Variants in VAMP4 observed in about 807,000 individuals in gnomAD.
VAMP4 encodes the protein vesicle associated membrane protein 4, also known as vesicle-associated membrane protein 4.
In VAMP4, 19 loss-of-function variants were observed where a neutral mutation model predicts 23.5. That is an observed-to-expected ratio of 0.81 (90% CI 0.56 to 1.19). The LOEUF is 1.19. Ranked by LOEUF, VAMP4 falls within the 50% of genes most tolerant of loss-of-function variation. The pLI, the probability that VAMP4 is intolerant of heterozygous loss-of-function variation, is 0.00. For missense variants in VAMP4, 145 were observed against 168.6 expected (o/e 0.86, Z 0.78); for synonymous variants, 31 against 51.0 (o/e 0.61, Z 1.67).
At position 171,704,514 on chromosome 1, in the gene VAMP4, G is replaced by A. The variant is rs1383124387; in HGVS notation, c.418C>T (p.Arg140Cys). 45 of 1,581,218 alleles carry A rather than the reference G, an allele frequency of 2.8e-5. No homozygotes were observed. The highest frequency in any genetic ancestry group is 3.8e-5 in the Non-Finnish European group (44 of 1,162,874). ...VIIILIVMKYRT is the reference protein window; with the variant it reads ...VIIILIVMKYCT ...AGATCTCTGTCATCAAATCAAGTAC[G>A]GTATTTCATGACTATAAGAACTGTA... The change falls in exon 8 of 8, where the codon CGT (arginine) becomes TGT (cysteine). Residue 140 changes from arginine to cysteine, a missense_variant. Coordinates refer to ENST00000236192, the MANE Select transcript of VAMP4 (RefSeq NM_003762.5).
At chr1:171,710,898 A>T (rs978582025) in intron 4 of VAMP4, 84 bp from the exon 5 acceptor site, 15 of 941,180 alleles carry the variant, frequency 1.6e-5, no homozygotes, top group Non-Finnish European at 2.4e-5. Flanking sequence ...CATAATAAAG[A>T]ATAGCAAATT....
At position 171,703,670 on chromosome 1, in the gene VAMP4, G is replaced by A. The variant is rs1654549546; in HGVS notation, c.*836C>T. On this transcript the variant is annotated 3_prime_UTR_variant, in exon 8 of 8. Coordinates refer to ENST00000236192, the MANE Select transcript of VAMP4 (RefSeq NM_003762.5). ...GGCTATTAACTAAAATAAAATTAAG[G>A]AGTAAGTAAGTTACCTGTAAATTTC... 1 of 151,740 alleles carries A rather than the reference G, an allele frequency of 6.6e-6. No individual in the cohort carries two copies. The highest frequency in any genetic ancestry group is 2.1e-4 in the South Asian group (1 of 4,788). The allele number at this position is 151,740 out of a possible 1,614,324, so 9.4% of individuals were successfully genotyped here.
chr1:171,709,593 CT>C (rs1330534988), intron 6 of VAMP4, 71 bp downstream of exon 6: 2 of 1,463,790 alleles, frequency 1.4e-6, no homozygotes, highest in African/African-American at 1.4e-5. Context: ...TCTAGAGGCC[CT>C]TTTTTCTTCA....
At chr1:171,731,737 A>G (rs1369770337) in intron 2 of VAMP4, among the ~76,000 whole-genome samples, 2 of 152,220 alleles carry the variant, frequency 1.3e-5, no homozygotes, top group African/African-American at 4.8e-5. Flanking sequence ...ATTCTAGCCA[A>G]TATCTGTTTG....
intron 3 of VAMP4, 69 bp from the exon 4 acceptor site, chr1:171,719,290 A>G: frequency 7.5e-7 from 1 of 1,336,872 alleles, no homozygotes; most frequent in Non-Finnish European, 1.0e-6. Context: ...AAAAAGATAG[A>G]AAGTATACAC....
intron 4 of VAMP4, among the ~76,000 whole-genome samples, chr1:171,713,005 C>T (rs1654899577): frequency 1.3e-5 from 2 of 152,114 alleles, no homozygotes; most frequent in South Asian, 4.1e-4. Flanking sequence ...TATTTACATG[C>T]TTATTTTCTG....
At chr1:171,725,395 G>A (rs1005731459) in intron 3 of VAMP4, among the ~76,000 whole-genome samples, 1 of 152,154 alleles carries the variant, frequency 6.6e-6, no homozygotes, top group African/African-American at 2.4e-5. Context: ...GAGGTCAGGA[G>A]TTCAAGACCA....
At chr1:171,720,820 A>T (rs1452215561) in intron 3 of VAMP4, among the ~76,000 whole-genome samples, 1 of 152,088 alleles carries the variant, frequency 6.6e-6, no homozygotes, top group African/African-American at 2.4e-5. Context: ...GCCAGTATGA[A>T]CCTACCACGA....
At chr1:171,733,615 G>A (rs2124867841) in intron 2 of VAMP4, among the ~76,000 whole-genome samples, 1 of 152,294 alleles carries the variant, frequency 6.6e-6, no homozygotes, top group South Asian at 2.1e-4. Flanking sequence ...TAGGGATACA[G>A]TGTCAAAAAA....
chr1:171,706,155 A>G (rs188941228), intron 7 of VAMP4, among the ~76,000 whole-genome samples: 4 of 152,218 alleles, frequency 2.6e-5, no homozygotes, highest in Non-Finnish European at 5.9e-5. Context: ...CTCTCTCCAT[A>G]AAAATGTACA....
chr1:171,715,009 C>G (rs1390168562), intron 4 of VAMP4, among the ~76,000 whole-genome samples: 1 of 152,056 alleles, frequency 6.6e-6, no homozygotes, highest in African/African-American at 2.4e-5. Flanking sequence ...AAGAGTTAAT[C>G]AGGCAGAGTA....
rs1654520108 is a variant in VAMP4, at chr1:171,703,415, GTGTTTGTGTGTATATATATATATATA to G, written c.*1065_*1090del. On this transcript the variant is annotated 3_prime_UTR_variant, in exon 8 of 8. Coordinates refer to ENST00000236192, the MANE Select transcript of VAMP4 (RefSeq NM_003762.5). Reference sequence around the variant, plus strand: ...TGCGTGTGTGTGTGTGTGTGTGTGTGTGTTTGTGTGTATATATATATATATATATATATATATATATATATATATAT... The same window carrying G: ...TGCGTGTGTGTGTGTGTGTGTGTGTGTATATATATATATATATATATATAT... 1 of 101,134 alleles carries G rather than the reference GTGTTTGTGTGTATATATATATATATA, an allele frequency of 9.9e-6. No individual in the cohort carries two copies. Among genetic ancestry groups the G allele is most frequent in the African/African-American group, 3.9e-5 (1 of 25,764 alleles). The allele number at this position is 101,134 out of a possible 1,614,324, so 6.3% of individuals were successfully genotyped here.
At chr1:171,710,654 G>T in intron 5 of VAMP4, 60 bp downstream of exon 5, 1 of 1,341,770 alleles carries the variant, frequency 7.5e-7, no homozygotes, top group Non-Finnish European at 1.0e-6. Context: ...GGCTAGACAA[G>T]TAGAAGACAA....
chr1:171,740,797 A>G (rs1655899368), intron 1 of VAMP4, among the ~76,000 whole-genome samples: 1 of 152,242 alleles, frequency 6.6e-6, no homozygotes, highest in Admixed American at 6.5e-5. Context: ...CCTTTATAAG[A>G]CATACAGTAA....
In VAMP4 at chr1:171,742,009, G is replaced by C. The variant is rs565033803; in HGVS notation, c.-149C>G. ...CCGAGGTAAGAAGCTGGGAGGGGGA[G>C]ACAGTTGGTGCGGACCCGGCGTCGG... On this transcript the variant is annotated 5_prime_UTR_variant, in exon 1 of 8. Transcript: ENST00000236192. The C allele has an allele frequency of 6.6e-6, 1 of 152,252 alleles. No individual in the cohort carries two copies. The highest frequency in any genetic ancestry group is 1.9e-4 in the East Asian group (1 of 5,180). 9.4% of individuals were successfully genotyped at this position (152,252 alleles called of 1,614,324 possible).
chr1:171,720,543 G>A (rs1004924775), intron 3 of VAMP4, among the ~76,000 whole-genome samples: 20 of 151,972 alleles, frequency 1.3e-4, no homozygotes, highest in African/African-American at 4.3e-4. Flanking sequence ...ATGGAAGAGT[G>A]AACATCACTA....
At chr1:171,726,533 T>C (rs1223296469) in intron 3 of VAMP4, among the ~76,000 whole-genome samples, 1 of 152,214 alleles carries the variant, frequency 6.6e-6, no homozygotes, top group Admixed American at 6.5e-5. Context: ...GGTCAACTAA[T>C]TTTTTATGAG....
intron 2 of VAMP4, among the ~76,000 whole-genome samples, chr1:171,737,187 A>C (rs181877045): frequency 1.2e-4 from 18 of 152,346 alleles, no homozygotes; most frequent in Non-Finnish European, 2.1e-4. Context: ...TTGCAAGGGC[A>C]CAGACTATGT....
At chr1:171,706,255 CATT>C in intron 7 of VAMP4, 109 bp downstream of exon 7, 1 of 975,008 alleles carries the variant, frequency 1.0e-6, no homozygotes, top group Middle Eastern at 2.7e-4. Flanking sequence ...GGTCAGAAGT[CATT>C]ATTCAATCCT....
Sources: allele counts gnomAD v4.1 joint callset (sites outside exome capture counted in the v4.1 genomes callset), GRCh38; gene constraint gnomAD v4.1.1; transcripts MANE v1.5; gene names NCBI Gene and HGNC (gene_info 2026-07-23, HGNC 2026-07-21).